CACNA2D3: variants seen among roughly 807,000 people sequenced by gnomAD.
CACNA2D3 encodes calcium voltage-gated channel auxiliary subunit alpha2delta 3.
CACNA2D3 carries 60 observed loss-of-function variants against 160.6 expected under a neutral mutation model. That is an observed-to-expected ratio of 0.37 (90% CI 0.30 to 0.46). The LOEUF is 0.46. Among genes scored for constraint, CACNA2D3 ranks in the 20% least tolerant of loss-of-function variants. The probability of loss-of-function intolerance (pLI) is 1.00; values close to 1 mark genes in which losing one functional copy is unlikely to be tolerated. For synonymous variants in CACNA2D3, 558 were observed against 492.9 expected, an observed-to-expected ratio of 1.13 and a Z score of -1.75; for missense variants, 1,205 against 1,365.0, an observed-to-expected ratio of 0.88 and a Z score of 1.85.
At chr3:55,048,960 AT>A (rs1704123999) in intron 35 of CACNA2D3, among the ~76,000 whole-genome samples, 1 of 139,504 alleles carries the variant, frequency 7.2e-6, no homozygotes, top group Non-Finnish European at 1.6e-5. Context: ...CCCCTTTATC[AT>A]TTTTTATTGC....
chr3:54,467,804 A>G (rs1700655928), intron 4 of CACNA2D3, among the ~76,000 whole-genome samples: 1 of 152,180 alleles, frequency 6.6e-6, no homozygotes, highest in Admixed American at 6.5e-5. Flanking sequence ...CTTGTGTTCC[A>G]TTGCATAGTA....
chr3:54,696,712 G>A (rs574043711), intron 11 of CACNA2D3, among the ~76,000 whole-genome samples: 6 of 152,230 alleles, frequency 3.9e-5, no homozygotes, highest in African/African-American at 1.4e-4. Flanking sequence ...TCCACTTCAT[G>A]GAAGACCCTA....
chr3:54,863,872 T>C (rs1031287860), intron 17 of CACNA2D3, among the ~76,000 whole-genome samples: 1 of 152,220 alleles, frequency 6.6e-6, no homozygotes, highest in African/African-American at 2.4e-5. Context: ...AGGAAAGGGC[T>C]TGTTGTCTTG....
chr3:54,410,355 G>A (rs1314131900), intron 4 of CACNA2D3, among the ~76,000 whole-genome samples: 1 of 151,598 alleles, frequency 6.6e-6, no homozygotes, highest in Non-Finnish European at 1.5e-5. Context: ...CTCTGTCCCA[G>A]GAAAAAGAAA....
intron 27 of CACNA2D3, among the ~76,000 whole-genome samples, chr3:54,906,010 C>A (rs563879389): frequency 6.6e-6 from 1 of 152,090 alleles, no homozygotes; most frequent in African/African-American, 2.4e-5. Flanking sequence ...GGGTGTCAGG[C>A]GATTGTCAAT....
At chr3:54,289,265 A>G (rs1228108848) in intron 2 of CACNA2D3, among the ~76,000 whole-genome samples, 2 of 151,782 alleles carry the variant, frequency 1.3e-5, no homozygotes, top group African/African-American at 2.4e-5. Context: ...CACCAATAAC[A>G]GACAAACAGA....
intron 4 of CACNA2D3, among the ~76,000 whole-genome samples, chr3:54,462,831 G>A (rs1449247630): frequency 6.6e-6 from 1 of 151,056 alleles, no homozygotes; most frequent in Non-Finnish European, 1.5e-5. Flanking sequence ...ACGTTAGCTG[G>A]TGATTTTGCT....
intron 9 of CACNA2D3, among the ~76,000 whole-genome samples, chr3:54,613,690 C>G (rs778710071): frequency 9.9e-5 from 15 of 152,204 alleles, no homozygotes; most frequent in Non-Finnish European, 1.8e-4. Flanking sequence ...GAAGTTCCTG[C>G]TGAGTCTGGC....
In CACNA2D3 at chr3:54,724,823, G is replaced by T. The variant is rs569264979; in HGVS notation, c.1168-27776G>T. Reference sequence around the variant, plus strand: ...AATGCCCACAAGAGAAAGCAGGAAAGATCTAAAATTGACACGCTAATATCA... The same window carrying T: ...AATGCCCACAAGAGAAAGCAGGAAATATCTAAAATTGACACGCTAATATCA... On this transcript the variant is annotated intron_variant, in intron 11 of 37. Coordinates refer to ENST00000474759, the MANE Select transcript of CACNA2D3 (RefSeq NM_018398.3). Among the ~76,000 whole-genome samples the T allele has an allele frequency of 2.0e-5, 3 of 152,156 alleles. No homozygotes were observed. The South Asian group carries it at 6.2e-4, about 32-fold the overall frequency.
At chr3:54,420,680 G>A (rs191218972) in intron 4 of CACNA2D3, among the ~76,000 whole-genome samples, 470 of 152,318 alleles carry the variant, frequency 3.1e-3, no homozygotes, top group Non-Finnish European at 5.6e-3. Context: ...AATCTCAGGG[G>A]AGGAGATGTA....
chr3:54,848,767 A>C (rs144120320), intron 17 of CACNA2D3, among the ~76,000 whole-genome samples: 3 of 152,198 alleles, frequency 2.0e-5, no homozygotes, highest in Non-Finnish European at 4.4e-5. Context: ...CATCCACACT[A>C]TGTGACTTTG....
chr3:54,562,928 C>G lies in CACNA2D3; in HGVS notation c.673C>G (p.Pro225Ala). 1 of 1,613,194 alleles carries G rather than the reference C, an allele frequency of 6.2e-7. No individual in the cohort carries two copies. Among genetic ancestry groups the G allele is most frequent in the Non-Finnish European group, 8.5e-7 (1 of 1,179,424 alleles). Residue 225 changes from proline to alanine, a missense_variant, in exon 6 of 38, where the codon CCG becomes GCG. Pro to Ala is a conservative substitution (Grantham distance 27). This residue lies in a region of CACNA2D3 where 131 missense variants were observed against 201.5 expected (regional missense o/e 0.65). Coordinates refer to ENST00000474759, the MANE Select transcript of CACNA2D3 (RefSeq NM_018398.3). ...GSAKGFFRQY[P>A]GIKWEPDENG... Reference sequence around the variant, plus strand: ...TGCAAAGGGCTTTTTTAGGCAGTATCCGGGTGAGTATACCTGCATTGACAG... The same window carrying G: ...TGCAAAGGGCTTTTTTAGGCAGTATGCGGGTGAGTATACCTGCATTGACAG...
At chr3:54,519,084 G>T (rs1394162395) in intron 5 of CACNA2D3, among the ~76,000 whole-genome samples, 1 of 152,294 alleles carries the variant, frequency 6.6e-6, no homozygotes, top group Non-Finnish European at 1.5e-5. Flanking sequence ...TGCAGGGAGG[G>T]GCCTCTAGGT....
intron 11 of CACNA2D3, among the ~76,000 whole-genome samples, chr3:54,716,180 A>G (rs1177816841): frequency 6.6e-6 from 1 of 152,206 alleles, no homozygotes; most frequent in Non-Finnish European, 1.5e-5. Flanking sequence ...GTTCCCATGT[A>G]CGCTTCCCCA....
intron 11 of CACNA2D3, among the ~76,000 whole-genome samples, chr3:54,696,010 T>A (rs1700658000): frequency 6.6e-6 from 1 of 152,194 alleles, no homozygotes; most frequent in African/African-American, 2.4e-5. Context: ...CATCTTATTC[T>A]CATCTGTCTC....
chr3:54,953,968 A>C (rs765928520), intron 27 of CACNA2D3, among the ~76,000 whole-genome samples: 1 of 152,250 alleles, frequency 6.6e-6, no homozygotes, highest in African/African-American at 2.4e-5. Flanking sequence ...CACAGATTTC[A>C]GTCCACAGAT....
At chr3:54,874,359 G>A (rs1699611803) in intron 18 of CACNA2D3, among the ~76,000 whole-genome samples, 1 of 152,114 alleles carries the variant, frequency 6.6e-6, no homozygotes, top group African/African-American at 2.4e-5. Flanking sequence ...GCATAGCCCA[G>A]TCTGAATTGC....
At chr3:54,742,590 A>G (rs1157996101) in intron 11 of CACNA2D3, among the ~76,000 whole-genome samples, 1 of 152,148 alleles carries the variant, frequency 6.6e-6, no homozygotes, top group Non-Finnish European at 1.5e-5. Flanking sequence ...CTTCCATGAA[A>G]TGATGCCGTC....
intron 13 of CACNA2D3, among the ~76,000 whole-genome samples, chr3:54,767,672 C>T (rs1314166130): frequency 6.6e-6 from 1 of 151,788 alleles, no homozygotes; most frequent in African/African-American, 2.4e-5. Context: ...GAGAAGGTAC[C>T]AAATAATAAT....
Sources: gnomAD v4.1 joint callset for allele counts (sites outside exome capture counted in the v4.1 genomes callset) on GRCh38, gnomAD v4.1.1 for gene constraint, gnomAD v4.1.1 regional missense constraint, MANE v1.5 for transcripts, NCBI Gene and HGNC (gene_info 2026-07-23, HGNC 2026-07-21) for gene names.